Variants in MIER1 observed in about 807,000 individuals in gnomAD.
MIER1 encodes MIER1 transcriptional regulator.
MIER1 carries 40 observed loss-of-function variants against 75.7 expected under a neutral mutation model. The observed-to-expected ratio is 0.53, with a 90% CI of 0.41 to 0.69. MIER1 has a LOEUF of 0.69. MIER1 is among the 30% of genes least tolerant of loss of function. The pLI, the probability that MIER1 is intolerant of heterozygous loss-of-function variation, is 0.00. For synonymous variants in MIER1, 213 were observed against 223.4 expected, an observed-to-expected ratio of 0.95 and a Z score of 0.42; for missense variants, 574 against 680.2, an observed-to-expected ratio of 0.84 and a Z score of 1.74.
At chr1:66,968,203 G>A (rs1426332230) in intron 8 of MIER1, among the ~76,000 whole-genome samples, 2 of 152,098 alleles carry the variant, frequency 1.3e-5, no homozygotes, top group South Asian at 2.1e-4. Context: ...TGGAGGGATC[G>A]CTGTGGTAAA....
In MIER1 at chr1:66,988,078, CTG is replaced by C. The variant is rs1667008694; in HGVS notation, c.*3179_*3180del. 6.6e-6 allele frequency: 1 copy of C among 152,096 alleles called. No individual in the cohort carries two copies. Among genetic ancestry groups the C allele is most frequent in the South Asian group, 2.1e-4 (1 of 4,830 alleles). 9.4% of individuals were successfully genotyped at this position (152,096 alleles called of 1,614,324 possible). On this transcript the variant is annotated 3_prime_UTR_variant, in exon 14 of 14. Coordinates refer to ENST00000401041, the MANE Select transcript of MIER1 (RefSeq NM_001077700.3). ...AATTAGGAGTGGGCACTTGGAATAACTGAGGGCTGGTGAATATAATAGGCAAT... is the reference window on the plus strand; with the variant it reads ...AATTAGGAGTGGGCACTTGGAATAACAGGGCTGGTGAATATAATAGGCAAT...
At chr1:66,971,189 T>G (rs546734130) in intron 9 of MIER1, among the ~76,000 whole-genome samples, 2 of 152,150 alleles carry the variant, frequency 1.3e-5, no homozygotes, top group African/African-American at 4.8e-5. Flanking sequence ...TACTTTTCAT[T>G]AGGCTTTTTA....
intron 2 of MIER1, chr1:66,930,449 C>T (rs1254982127): frequency 6.3e-7 from 1 of 1,594,656 alleles, no homozygotes; most frequent in Non-Finnish European, 8.5e-7. Flanking sequence ...GCGCCCCCGG[C>T]CCTGGGCCGG....
chr1:66,984,511 AAT>A, intron 13 of MIER1, 59 bp from the exon 14 acceptor site: 8 of 1,181,628 alleles, frequency 6.8e-6, no homozygotes, highest in Non-Finnish European at 8.4e-6. Flanking sequence ...GCTGTTTTAT[AAT>A]AGTTTGCAAA....
At chr1:66,944,911 A>G (rs1657129793) in intron 3 of MIER1, among the ~76,000 whole-genome samples, 1 of 151,844 alleles carries the variant, frequency 6.6e-6, no homozygotes, top group South Asian at 2.1e-4. Context: ...TTTTTTGTAG[A>G]GACGGTGTCT....
intron 3 of MIER1, among the ~76,000 whole-genome samples, chr1:66,945,855 GA>G (rs1047180525): frequency 6.6e-6 from 1 of 151,616 alleles, no homozygotes; most frequent in Non-Finnish European, 1.5e-5. Context: ...AGAAGAAGAA[GA>G]AAAAAAAGAA....
At chr1:66,930,538 T>G in intron 2 of MIER1, 2 of 908,184 alleles carry the variant, frequency 2.2e-6, no homozygotes, top group Non-Finnish European at 3.3e-6. Flanking sequence ...GAACAGGCCA[T>G]TCTCTGGGCG....
chr1:66,935,852 CTA>C (rs1264743876), intron 2 of MIER1, among the ~76,000 whole-genome samples: 1 of 151,976 alleles, frequency 6.6e-6, no homozygotes, highest in African/African-American at 2.4e-5. Flanking sequence ...ACAGATATCT[CTA>C]TTTTTAATGG....
chr1:66,983,211 G>A (rs907754762), intron 13 of MIER1, among the ~76,000 whole-genome samples: 1 of 152,136 alleles, frequency 6.6e-6, no homozygotes, highest in African/African-American at 2.4e-5. Context: ...TTTTTTATAT[G>A]GGGCTTTAAT....
At chr1:66,970,763 A>T in intron 8 of MIER1, 45 bp from the exon 9 acceptor site, 2 of 1,394,980 alleles carry the variant, frequency 1.4e-6, no homozygotes, top group Admixed American at 5.1e-5. Flanking sequence ...CACAAACTCT[A>T]TCAGTTTTTA....
At chr1:66,958,303 C>G (rs1238420482) in intron 5 of MIER1, 83 bp downstream of exon 5, 1 of 794,594 alleles carries the variant, frequency 1.3e-6, no homozygotes, top group Non-Finnish European at 1.7e-6. Context: ...GATTACTTGT[C>G]TTTATAATCT....
chr1:66,974,426 T>G (rs1036768105), intron 11 of MIER1, among the ~76,000 whole-genome samples: 12 of 144,614 alleles, frequency 8.3e-5, no homozygotes, highest in African/African-American at 3.2e-4. Context: ...TTGGATGAGG[T>G]TTTTTTTTTG....
In MIER1 at chr1:66,955,336, GTTTT is replaced by G. The variant is rs34006160; in HGVS notation, c.340-2698_340-2695del. Among the ~76,000 whole-genome samples, 37 of 59,966 alleles carry G rather than the reference GTTTT, an allele frequency of 6.2e-4. 1 individual carries two copies. The highest frequency in any genetic ancestry group is 2.8e-3 in the East Asian group (5 of 1,812). 39.3% of individuals were successfully genotyped at this position (59,966 alleles called of 152,430 possible). A position where few individuals can be genotyped will look rare whatever the true frequency, so the allele number is the denominator to read the frequency against. On this transcript the variant is annotated intron_variant, in intron 4 of 13. Coordinates refer to ENST00000401041, the MANE Select transcript of MIER1 (RefSeq NM_001077700.3). ...TACCAGCAGCATTAGCATCACCTGA[GTTTT>G]TTTTTTTTTTTTTTTTTTTTTTTTA...
chr1:66,932,375 C>T (rs1653640319), intron 2 of MIER1, among the ~76,000 whole-genome samples: 1 of 152,068 alleles, frequency 6.6e-6, no homozygotes, highest in African/African-American at 2.4e-5. Context: ...AACAATTTAT[C>T]TTCTATATTC....
At chr1:66,948,101 A>G in intron 4 of MIER1, 2 of 925,606 alleles carry the variant, frequency 2.2e-6, no homozygotes, top group Non-Finnish European at 1.3e-6. Context: ...CTGTACCTCC[A>G]CTGGTTTTGA....
chr1:66,947,935 C>T lies in MIER1; in HGVS notation c.339+1640C>T, dbSNP rs11208975. The T allele has an allele frequency of 0.014, 13,533 of 985,294 alleles. 1,382 individuals carry two copies. In the African/African-American group the frequency reaches 0.22, roughly 16 times the overall value. The allele number at this position is 985,294 out of a possible 1,614,324, so 61.0% of individuals were successfully genotyped here. A position where few individuals can be genotyped will look rare whatever the true frequency, so the allele number is the denominator to read the frequency against. On this transcript the variant is annotated intron_variant, in intron 4 of 13. Transcript: ENST00000401041. The stretch of plus-strand genomic sequence containing the variant: ...AGGCCGGCTCCTTATCCTCTGGGTT[C>T]GGTGTTGCCTCCTCAGAATAGCAGC...
In MIER1 at chr1:66,988,307, A is replaced by G. The variant is rs1667035613; in HGVS notation, c.*3407A>G. The G allele has an allele frequency of 1.3e-5, 2 of 152,476 alleles. No individual in the cohort carries two copies. The highest frequency in any genetic ancestry group is 3.8e-4 in the East Asian group (2 of 5,324). 9.4% of individuals were successfully genotyped at this position (152,476 alleles called of 1,614,324 possible). ...TGTATCACATAATTCTACTGATACA[A>G]CTTTTTACCGTAAAAATTAACTCTC... is the stretch of plus-strand genomic sequence containing the variant. On this transcript the variant is annotated 3_prime_UTR_variant, in exon 14 of 14. Transcript: ENST00000401041.
chr1:66,953,453 CTT>C (rs1659421762), intron 4 of MIER1, among the ~76,000 whole-genome samples: 1 of 152,022 alleles, frequency 6.6e-6, no homozygotes, highest in South Asian at 2.1e-4. Flanking sequence ...AAATAAGAGA[CTT>C]TTTATACTGT....
intron 2 of MIER1, among the ~76,000 whole-genome samples, chr1:66,937,803 T>C (rs1313479646): frequency 2.0e-5 from 3 of 152,360 alleles, no homozygotes; most frequent in African/African-American, 7.2e-5. Context: ...TACCAATTTT[T>C]TAGAAACTCA....
Sources: allele counts gnomAD v4.1 joint callset (sites outside exome capture counted in the v4.1 genomes callset), GRCh38; gene constraint gnomAD v4.1.1; transcripts MANE v1.5; gene names NCBI Gene and HGNC (gene_info 2026-07-23, HGNC 2026-07-21).